HERC2: variants seen among roughly 807,000 people sequenced by gnomAD.
HERC2 encodes the protein E3 ubiquitin-protein ligase HERC2.
HERC2 carries 102 observed loss-of-function variants against 537.7 expected under a neutral mutation model. The observed-to-expected ratio is 0.19, with a 90% CI of 0.16 to 0.22. The LOEUF is 0.22. HERC2 is among the 10% of genes least tolerant of loss of function. HERC2 has a pLI of 1.00. For synonymous variants in HERC2, 2,224 were observed against 2,466.2 expected (o/e 0.90, Z 2.91); for missense variants, 4,236 against 6,198.2 (o/e 0.68, Z 10.63).
chr15:28,304,304 A>G (rs2076719306), intron 2 of HERC2, among the ~76,000 whole-genome samples: 1 of 151,584 alleles, frequency 6.6e-6, no homozygotes, highest in Admixed American at 6.6e-5. Context: ...AAATATAACA[A>G]TCATCTGCAA....
chr15:28,143,726 A>T, intron 74 of HERC2, 147 bp downstream of exon 74: 1 of 949,072 alleles, frequency 1.1e-6, no homozygotes, highest in Non-Finnish European at 1.6e-6. Flanking sequence ...CATTACACGC[A>T]TGAGCCACCG....
At chr15:28,153,245 C>G (rs1892637819) in intron 69 of HERC2, among the ~76,000 whole-genome samples, 1 of 152,174 alleles carries the variant, frequency 6.6e-6, no homozygotes, top group South Asian at 2.1e-4. Context: ...CCTAGCTACT[C>G]AGGAGGCTGA....
Position 28,262,374 on chromosome 15 carries a change from C to T in HERC2, c.2122+544G>A, listed in dbSNP as rs563933565. Among the ~76,000 whole-genome samples, 8 of 152,332 alleles carry T rather than the reference C, an allele frequency of 5.3e-5. 1 individual carries two copies. The South Asian group carries it at 1.7e-3, about 32-fold the overall frequency. On this transcript the variant is annotated intron_variant, in intron 15 of 92. Coordinates refer to ENST00000261609, the MANE Select transcript of HERC2 (RefSeq NM_004667.6). ...CCTCTCTGCCTGCACCGGCAGCCCA[C>T]ACTGAAGGCGCCGGCACTCTTATCT...
chr15:28,158,434 T>C (rs924991903), intron 69 of HERC2, among the ~76,000 whole-genome samples: 15 of 152,222 alleles, frequency 9.9e-5, no homozygotes, highest in Non-Finnish European at 1.2e-4. Flanking sequence ...ATTGGGTGCA[T>C]AGATATTTAG....
rs566220418 is a variant in HERC2, at chr15:28,177,813, A to G, written c.9164-304T>C. ...AAATACACGAAAAATCAAAATTTAGATGAAAAAAGTAAAAATAATTTGTGA... is the reference window on the plus strand; with the variant it reads ...AAATACACGAAAAATCAAAATTTAGGTGAAAAAAGTAAAAATAATTTGTGA... On this transcript the variant is annotated intron_variant, in intron 59 of 92. Coordinates refer to ENST00000261609, the MANE Select transcript of HERC2 (RefSeq NM_004667.6). This position sits in a 1 kb window ranked among gnomAD's most constrained non-coding sequence, Gnocchi z 5.0. Among the ~76,000 whole-genome samples the G allele has an allele frequency of 6.6e-6, 1 of 152,358 alleles. No individual in the cohort carries two copies. Among genetic ancestry groups the G allele is most frequent in the South Asian group, 2.1e-4 (1 of 4,822 alleles).
intron 69 of HERC2, among the ~76,000 whole-genome samples, chr15:28,159,520 G>A (rs541925416): frequency 3.9e-5 from 6 of 152,178 alleles, no homozygotes; most frequent in Admixed American, 3.3e-4. Flanking sequence ...CCAGGTGATC[G>A]AATTGGCTAC....
intron 68 of HERC2, among the ~76,000 whole-genome samples, chr15:28,167,146 A>G (rs1894226655): frequency 6.6e-6 from 1 of 152,234 alleles, no homozygotes; most frequent in African/African-American, 2.4e-5. Flanking sequence ...ACATAATCTC[A>G]AAAGTATCTC....
intron 16 of HERC2, among the ~76,000 whole-genome samples, chr15:28,257,647 CAAGT>C (rs1055044010): frequency 1.1e-4 from 16 of 152,068 alleles, no homozygotes; most frequent in Non-Finnish European, 1.0e-4. Context: ...AGTGAAATAA[CAAGT>C]AATCGGCAAG....
At chr15:28,171,183 A>G (rs1307517154) in intron 65 of HERC2, among the ~76,000 whole-genome samples, 1 of 152,252 alleles carries the variant, frequency 6.6e-6, no homozygotes, top group African/African-American at 2.4e-5. Context: ...TCACCTGTAT[A>G]TGAATGACAT....
At chr15:28,193,025 A>G (rs1427773480) in intron 52 of HERC2, among the ~76,000 whole-genome samples, 3 of 152,178 alleles carry the variant, frequency 2.0e-5, no homozygotes, top group Admixed American at 6.5e-5. Context: ...AACCTTTACC[A>G]AGTAGCTCAC....
chr15:28,223,789 C>A (rs113370191), intron 35 of HERC2, among the ~76,000 whole-genome samples: 1 of 151,958 alleles, frequency 6.6e-6, no homozygotes, highest in Non-Finnish European at 1.5e-5. Context: ...CAGGGCAGGC[C>A]GCAAATATAG....
chr15:28,290,077 A>G (rs1266871806), intron 4 of HERC2, among the ~76,000 whole-genome samples: 1 of 152,238 alleles, frequency 6.6e-6, no homozygotes, highest in Non-Finnish European at 1.5e-5. Context: ...TTGCCTGAGC[A>G]CACAAGTGAG....
intron 23 of HERC2, among the ~76,000 whole-genome samples, chr15:28,239,833 G>A (rs1340681529): frequency 3.3e-5 from 5 of 152,080 alleles, no homozygotes; most frequent in Non-Finnish European, 7.3e-5. Flanking sequence ...AAAAGAAAAC[G>A]GTATGATCAC....
chr15:28,135,930 A>C (rs1890589226), intron 78 of HERC2, among the ~76,000 whole-genome samples: 1 of 152,246 alleles, frequency 6.6e-6, no homozygotes, highest in Admixed American at 6.5e-5. Context: ...TGTGAAAATA[A>C]GGTCTTCTTG....
chr15:28,119,254 G>A (rs1888613984), intron 86 of HERC2, among the ~76,000 whole-genome samples: 1 of 151,818 alleles, frequency 6.6e-6, no homozygotes, highest in South Asian at 2.1e-4. Flanking sequence ...AAAAAAATTA[G>A]CCTGGCATGG....
intron 83 of HERC2, among the ~76,000 whole-genome samples, chr15:28,128,089 C>T (rs143995167): frequency 2.1e-4 from 32 of 152,280 alleles, no homozygotes; most frequent in African/African-American, 7.7e-4. Context: ...CCCGAATCTA[C>T]GCAGAAACAT....
At chr15:28,168,716 T>C in intron 66 of HERC2, 126 bp from the exon 67 acceptor site, 1 of 759,080 alleles carries the variant, frequency 1.3e-6, no homozygotes, top group Non-Finnish European at 2.1e-6. Context: ...TGTAGAAGAG[T>C]TTTGGAAAAC....
At chr15:28,291,024 T>C (rs886871830) in intron 4 of HERC2, among the ~76,000 whole-genome samples, 8 of 152,192 alleles carry the variant, frequency 5.3e-5, no homozygotes, top group African/African-American at 1.9e-4. Context: ...AACTGGTTCT[T>C]TGAAAAAACT....
chr15:28,261,121 C>T (rs946948831), intron 15 of HERC2, 151 bp from the exon 16 acceptor site: 26 of 615,886 alleles, frequency 4.2e-5, no homozygotes, highest in African/African-American at 1.9e-4. Context: ...AATTCATTTG[C>T]TTTGGGTGTG....
Sources: gnomAD v4.1 joint callset for allele counts (sites outside exome capture counted in the v4.1 genomes callset) on GRCh38, gnomAD v4.1.1 for gene constraint, Gnocchi (gnomAD v3.1) non-coding constraint, MANE v1.5 for transcripts, NCBI Gene and HGNC (gene_info 2026-07-23, HGNC 2026-07-21) for gene names.